The following AKT3 variants were observed in gnomAD, a reference collection of about 807,000 sequenced individuals.
The protein encoded by AKT3 is AKT serine/threonine kinase 3.
Under a neutral mutation model 65.3 loss-of-function variants are expected in AKT3, and 15 were observed. The observed-to-expected ratio is 0.23, with a 90% CI of 0.15 to 0.35. The LOEUF is 0.35. AKT3 is among the 10% of genes least tolerant of loss of function. The pLI is 1.00. For missense variants in AKT3, 243 were observed against 576.5 expected, an observed-to-expected ratio of 0.42 and a Z score of 5.92; for synonymous variants, 206 against 183.8, an observed-to-expected ratio of 1.12 and a Z score of -0.98.
At chr1:243,670,774 CT>C (rs1683104769) in intron 3 of AKT3, among the ~76,000 whole-genome samples, 1 of 152,162 alleles carries the variant, frequency 6.6e-6, no homozygotes, top group South Asian at 2.1e-4. Context: ...TTAAACTCTA[CT>C]GAGCAACATG....
chr1:243,573,087 C>T, intron 8 of AKT3, 39 bp from the exon 9 acceptor site: 1 of 1,604,948 alleles, frequency 6.2e-7, no homozygotes, highest in Non-Finnish European at 8.5e-7. Flanking sequence ...GTAATAATTA[C>T]TGATTTAGTG....
chr1:243,782,187 G>A (rs1443468367), intron 2 of AKT3, among the ~76,000 whole-genome samples: 1 of 152,088 alleles, frequency 6.6e-6, no homozygotes, highest in Non-Finnish European at 1.5e-5. Flanking sequence ...AACAAAAAGG[G>A]GAGACTTGCC....
chr1:243,772,314 A>G (rs1005756998), intron 2 of AKT3, among the ~76,000 whole-genome samples: 2 of 152,192 alleles, frequency 1.3e-5, no homozygotes, highest in African/African-American at 4.8e-5. Flanking sequence ...AATATCCAGA[A>G]TCTACAAAGA....
At chr1:243,677,515 T>C (rs74153937) in intron 3 of AKT3, among the ~76,000 whole-genome samples, 3,761 of 152,070 alleles carry the variant, frequency 0.025, 147 homozygotes, top group African/African-American at 0.086. Flanking sequence ...ATTTATATAT[T>C]TCATATATAT....
At chr1:243,527,982 CTACCATAACTTTCTGCCTAAA>C (rs1160440416) in intron 12 of AKT3, among the ~76,000 whole-genome samples, 18 of 148,732 alleles carry the variant, frequency 1.2e-4, no homozygotes, top group Non-Finnish European at 7.4e-5. Flanking sequence ...CAGTCAGAAA[CTACCATAACTTTCTGCCTAAA>C]TACCATAACT....
intron 2 of AKT3, chr1:243,788,560 G>C (rs552074216): frequency 6.6e-6 from 1 of 152,130 alleles, no homozygotes; most frequent in Non-Finnish European, 1.5e-5. Context: ...GGCATACCTC[G>C]AGACATTGCA....
At chr1:243,583,313 G>A (rs1289374710) in intron 8 of AKT3, among the ~76,000 whole-genome samples, 2 of 149,454 alleles carry the variant, frequency 1.3e-5, no homozygotes, top group African/African-American at 2.4e-5. Flanking sequence ...AAAAGACATA[G>A]ACAGCAACAC....
intron 2 of AKT3, among the ~76,000 whole-genome samples, chr1:243,742,242 C>A (rs1296726280): frequency 3.9e-5 from 6 of 152,052 alleles, no homozygotes; most frequent in Non-Finnish European, 1.5e-5. Flanking sequence ...ATAGTTACCA[C>A]CTTTCTAAAT....
chr1:243,550,814 C>G, intron 11 of AKT3, among the ~76,000 whole-genome samples: 1 of 27,758 alleles, frequency 3.6e-5, no homozygotes, highest in East Asian at 1.4e-3. Context: ...AAAAAAAAAG[C>G]CAGGTGTGGT....
chr1:243,827,087 G>A lies in AKT3; in HGVS notation c.46+16038C>T, dbSNP rs1694216823. 2.0e-5 allele frequency among the ~76,000 whole-genome samples: 3 copies of A among 151,966 alleles called. No individual in the cohort carries two copies. The South Asian group carries it at 6.2e-4, about 32-fold the overall frequency. The stretch of plus-strand genomic sequence containing the variant: ...AGAAATAACCACTTATTATATTTTG[G>A]TATATTTCCATCCAATTCATTTTTA... On this transcript the variant is annotated intron_variant, in intron 2 of 13. Transcript: ENST00000673466.
At chr1:243,694,483 T>A (rs1684928658) in intron 3 of AKT3, among the ~76,000 whole-genome samples, 1 of 67,504 alleles carries the variant, frequency 1.5e-5, no homozygotes, top group Admixed American at 1.8e-4. Context: ...TGATCTCATT[T>A]AAAAAATATC....
At chr1:243,689,515 G>A (rs1428969819) in intron 3 of AKT3, among the ~76,000 whole-genome samples, 1 of 147,236 alleles carries the variant, frequency 6.8e-6, no homozygotes, top group Non-Finnish European at 1.5e-5. Flanking sequence ...AAAGAGACAG[G>A]GTCCTTCTAT....
At chr1:243,608,025 T>C (rs1677559716) in intron 8 of AKT3, among the ~76,000 whole-genome samples, 2 of 152,198 alleles carry the variant, frequency 1.3e-5, no homozygotes, top group Admixed American at 6.5e-5. Flanking sequence ...ATTAAACCTC[T>C]TTCCTTTATA....
At chr1:243,496,590 C>T (rs1311834861), downstream of AKT3, among the ~76,000 whole-genome samples, 1 of 152,220 alleles carries the variant, frequency 6.6e-6, no homozygotes, top group Non-Finnish European at 1.5e-5. Flanking sequence ...TGGCTAGAGC[C>T]ACCCACGGAG....
At chr1:243,613,881 A>G (rs1678084666) in intron 7 of AKT3, 142 bp from the exon 8 acceptor site, 1 of 481,252 alleles carries the variant, frequency 2.1e-6, no homozygotes, top group Non-Finnish European at 3.6e-6. Context: ...TTTACTACTT[A>G]AAAGTGCTTA....
At chr1:243,656,014 A>G (rs1032791946) in intron 4 of AKT3, among the ~76,000 whole-genome samples, 2 of 148,926 alleles carry the variant, frequency 1.3e-5, no homozygotes, top group African/African-American at 4.9e-5. Context: ...CACTAGTGGT[A>G]GTTAGCTGGA....
intron 2 of AKT3, among the ~76,000 whole-genome samples, chr1:243,772,952 C>T (rs1261929451): frequency 1.3e-5 from 2 of 149,728 alleles, no homozygotes; most frequent in Non-Finnish European, 3.0e-5. Flanking sequence ...AAACCAAACA[C>T]CGCATGTTCT....
At chr1:243,773,586 C>T (rs1690340500) in intron 2 of AKT3, among the ~76,000 whole-genome samples, 1 of 152,122 alleles carries the variant, frequency 6.6e-6, no homozygotes, top group Admixed American at 6.5e-5. Flanking sequence ...TGAATAGTGA[C>T]TGTGCCCCAG....
chr1:243,538,744 C>T (rs957444920), intron 12 of AKT3, among the ~76,000 whole-genome samples: 1 of 151,500 alleles, frequency 6.6e-6, no homozygotes, highest in Non-Finnish European at 1.5e-5. Flanking sequence ...GCTTGCAATC[C>T]CAGCTACTCA....
Sources: allele counts gnomAD v4.1 joint callset (sites outside exome capture counted in the v4.1 genomes callset), GRCh38; gene constraint gnomAD v4.1.1; transcripts MANE v1.5; gene names NCBI Gene and HGNC (gene_info 2026-07-23, HGNC 2026-07-21).